Variants in GABRB2 observed in about 807,000 individuals in gnomAD.
The protein encoded by GABRB2 is gamma-aminobutyric acid receptor subunit beta-2.
GABRB2 carries 16 observed loss-of-function variants against 54.7 expected under a neutral mutation model. The ratio of observed to expected loss-of-function variants is 0.29; its 90% CI spans 0.20 to 0.44. The LOEUF is 0.44. GABRB2 is among the 20% of genes least tolerant of loss of function. GABRB2 has a pLI of 1.00. For synonymous variants in GABRB2, 244 were observed against 233.8 expected, an observed-to-expected ratio of 1.04 and a Z score of -0.40; for missense variants, 355 against 644.0, an observed-to-expected ratio of 0.55 and a Z score of 4.86.
intron 4 of GABRB2, among the ~76,000 whole-genome samples, chr5:161,439,974 T>C (rs1580987728): frequency 7.0e-6 from 1 of 142,038 alleles, no homozygotes; most frequent in Admixed American, 7.5e-5. Context: ...CTCTGGAACT[T>C]AAAAGTTGTA....
chr5:161,336,881 AAAGATATAGCT>A, intron 5 of GABRB2, 112 bp from the exon 6 acceptor site: 1 of 1,121,642 alleles, frequency 8.9e-7, no homozygotes, highest in Non-Finnish European at 1.2e-6. Flanking sequence ...TAAATAATAT[AAAGATATAGCT>A]AAAGGCTGTT....
chr5:161,492,050 A>G (rs991609471), intron 3 of GABRB2, among the ~76,000 whole-genome samples: 1 of 151,660 alleles, frequency 6.6e-6, no homozygotes, highest in Admixed American at 6.6e-5. Context: ...AAAAAAAAGT[A>G]TAGTAGGTTT....
At chr5:161,412,718 C>T (rs915408184) in intron 4 of GABRB2, among the ~76,000 whole-genome samples, 14 of 152,144 alleles carry the variant, frequency 9.2e-5, no homozygotes, top group Non-Finnish European at 1.6e-4. Flanking sequence ...GTTCTCTCTG[C>T]CTAGAACACG....
At chr5:161,510,252 C>G (rs923329479) in intron 3 of GABRB2, among the ~76,000 whole-genome samples, 8 of 151,720 alleles carry the variant, frequency 5.3e-5, no homozygotes, top group East Asian at 1.9e-4. Flanking sequence ...CCAGCTCCCC[C>G]CCAACCTCCC....
chr5:161,452,604 G>A (rs895653163), intron 4 of GABRB2, among the ~76,000 whole-genome samples: 4 of 152,072 alleles, frequency 2.6e-5, no homozygotes, highest in Admixed American at 2.0e-4. Context: ...TTAATATTTG[G>A]GTGATGGGCT....
chr5:161,410,867 G>T, intron 5 of GABRB2, 108 bp downstream of exon 5: 1 of 759,488 alleles, frequency 1.3e-6, no homozygotes, highest in Non-Finnish European at 2.2e-6. Context: ...AGTTGGGCTA[G>T]CAGAACCTTT....
chr5:161,450,143 T>G lies in GABRB2; in HGVS notation c.458+9481A>C, dbSNP rs533868292. Among the ~76,000 whole-genome samples, 459 of 152,262 alleles carry G rather than the reference T, an allele frequency of 3.0e-3. 1 individual carries two copies. Among genetic ancestry groups the G allele is most frequent in the Non-Finnish European group, 5.2e-3 (357 of 68,012 alleles). Reference sequence around the variant, plus strand: ...GAAGCGCAGCTGGCTTCTTCCCTACTTCAAAACCTCTGGAGTCTCCAGCCA... The same window carrying G: ...GAAGCGCAGCTGGCTTCTTCCCTACGTCAAAACCTCTGGAGTCTCCAGCCA... On this transcript the variant is annotated intron_variant, in intron 4 of 9. Coordinates refer to ENST00000393959, the MANE Select transcript of GABRB2 (RefSeq NM_001371727.1).
intron 9 of GABRB2, among the ~76,000 whole-genome samples, chr5:161,304,966 G>GA (rs1461823891): frequency 3.3e-5 from 5 of 149,728 alleles, no homozygotes. Flanking sequence ...CCTGAAGAAG[G>GA]AAAAGGGGAA....
intron 5 of GABRB2, among the ~76,000 whole-genome samples, chr5:161,399,790 T>C (rs529194523): frequency 3.9e-5 from 6 of 152,300 alleles, no homozygotes; most frequent in Non-Finnish European, 7.3e-5. Flanking sequence ...AGACCCCATG[T>C]CCTCATCTGT....
chr5:161,384,625 C>G (rs1016766806), intron 5 of GABRB2, among the ~76,000 whole-genome samples: 8 of 152,158 alleles, frequency 5.3e-5, no homozygotes, highest in Admixed American at 1.3e-4. Context: ...TTTGGTGAAA[C>G]TTCACCAGAA....
intron 3 of GABRB2, among the ~76,000 whole-genome samples, chr5:161,520,928 A>G (rs1393669833): frequency 6.6e-6 from 1 of 152,028 alleles, no homozygotes; most frequent in Non-Finnish European, 1.5e-5. Context: ...GCTGCAATAC[A>G]TTGACTCACA....
chr5:161,443,773 C>T (rs1258615109), intron 4 of GABRB2, among the ~76,000 whole-genome samples: 1 of 152,188 alleles, frequency 6.6e-6, no homozygotes, highest in East Asian at 1.9e-4. Context: ...CTTCATCTGC[C>T]ATCAAGTAAG....
chr5:161,414,289 T>C (rs1756600289), intron 4 of GABRB2, among the ~76,000 whole-genome samples: 1 of 152,158 alleles, frequency 6.6e-6, no homozygotes, highest in Non-Finnish European at 1.5e-5. Context: ...AAAATTTCAA[T>C]GAAAACTTGC....
At position 161,312,355 on chromosome 5, in the gene GABRB2, G is replaced by A. The variant is rs142283138; in HGVS notation, c.1191+14013C>T. ...CTTAGCTCTGAGATCTGAAGATGAC[G>A]GCAGACAGTGAAAGTTGCTAACTTT... On this transcript the variant is annotated intron_variant, in intron 9 of 9. Coordinates refer to ENST00000393959, the MANE Select transcript of GABRB2 (RefSeq NM_001371727.1). Among the ~76,000 whole-genome samples, 293 of 152,188 alleles carry A rather than the reference G, an allele frequency of 1.9e-3. 1 individual carries two copies. The highest frequency in any genetic ancestry group is 3.1e-3 in the Admixed American group (47 of 15,290).
At chr5:161,427,414 T>C (rs1757033734) in intron 4 of GABRB2, among the ~76,000 whole-genome samples, 1 of 152,086 alleles carries the variant, frequency 6.6e-6, no homozygotes, top group Non-Finnish European at 1.5e-5. Context: ...GAGTAGATGG[T>C]AGATTTTCCT....
chr5:161,471,913 T>G (rs1758451437), intron 3 of GABRB2, among the ~76,000 whole-genome samples: 1 of 151,976 alleles, frequency 6.6e-6, no homozygotes, highest in African/African-American at 2.4e-5. Context: ...ACATTGTCCC[T>G]AGGTTCTTGC....
intron 3 of GABRB2, among the ~76,000 whole-genome samples, chr5:161,490,699 A>G (rs573562282): frequency 1.3e-5 from 2 of 151,856 alleles, no homozygotes; most frequent in South Asian, 4.1e-4. Flanking sequence ...TCAAAGCCTT[A>G]TATAGTACTT....
At chr5:161,363,302 C>G (rs1170805507) in intron 5 of GABRB2, among the ~76,000 whole-genome samples, 1 of 152,128 alleles carries the variant, frequency 6.6e-6, no homozygotes, top group Admixed American at 6.5e-5. Flanking sequence ...ACCACATGTT[C>G]TCACTCATAA....
At chr5:161,464,001 G>A (rs956500241) in intron 3 of GABRB2, among the ~76,000 whole-genome samples, 20 of 151,918 alleles carry the variant, frequency 1.3e-4, no homozygotes, top group African/African-American at 4.8e-4. Flanking sequence ...AAAACCTTAA[G>A]AGAAAAACAG....
Sources: gnomAD v4.1 joint callset for allele counts (sites outside exome capture counted in the v4.1 genomes callset) on GRCh38, gnomAD v4.1.1 for gene constraint, MANE v1.5 for transcripts, NCBI Gene and HGNC (gene_info 2026-07-23, HGNC 2026-07-21) for gene names.